Variants in MAP4 observed in about 807,000 individuals in gnomAD.
MAP4 encodes the protein microtubule-associated protein 4.
A neutral mutation model predicts 170.2 loss-of-function variants in MAP4; 76 were observed. The ratio of observed to expected loss-of-function variants is 0.45; its 90% CI spans 0.37 to 0.54. The LOEUF (loss-of-function observed/expected upper bound fraction) is 0.54. MAP4 is among the 20% of genes least tolerant of loss of function. The pLI is 0.00. For missense variants in MAP4, 2,506 were observed against 2,748.0 expected (o/e 0.91, Z 1.97); for synonymous variants, 909 against 994.5 (o/e 0.91, Z 1.62).
intron 1 of MAP4, among the ~76,000 whole-genome samples, chr3:48,055,199 CGT>C (rs1188719732): frequency 2.8e-3 from 200 of 71,428 alleles, no homozygotes; most frequent in African/African-American, 0.017. Flanking sequence ...TCTCCCTCTC[CGT>C]CTCCGTCTCC....
upstream of MAP4, among the ~76,000 whole-genome samples, chr3:48,019,593 ACT>A (rs755219440): frequency 1.3e-5 from 2 of 148,734 alleles, no homozygotes; most frequent in East Asian, 4.1e-4. Context: ...TAAAGAAAAA[ACT>A]CTCTTTTGGC....
chr3:47,867,949 C>T (rs927849855), intron 16 of MAP4, among the ~76,000 whole-genome samples: 7 of 152,198 alleles, frequency 4.6e-5, no homozygotes, highest in African/African-American at 9.7e-5. Context: ...ACCAGGGGAG[C>T]GGCTACAGCC....
chr3:48,004,969 G>C (rs1397343947), intron 1 of MAP4, among the ~76,000 whole-genome samples: 2 of 152,144 alleles, frequency 1.3e-5, no homozygotes, highest in Admixed American at 1.3e-4. Flanking sequence ...GAAGGTACCT[G>C]CAACACCCAT....
intron 1 of MAP4, among the ~76,000 whole-genome samples, chr3:48,069,687 A>G (rs2100140039): frequency 1.3e-5 from 2 of 152,150 alleles, no homozygotes; most frequent in Non-Finnish European, 2.9e-5. Context: ...TGTCCCTATT[A>G]TTGTTATCTT....
intron 3 of MAP4, among the ~76,000 whole-genome samples, chr3:47,968,720 AGAAG>A (rs1164627604): frequency 6.6e-6 from 1 of 152,168 alleles, no homozygotes; most frequent in African/African-American, 2.4e-5. Context: ...CAAATGAGGC[AGAAG>A]GAAGGAAATA....
In MAP4 at chr3:48,078,412, C is replaced by G. The variant is rs568909090; in HGVS notation, c.-20+10361G>C. 1.8e-4 allele frequency among the ~76,000 whole-genome samples: 28 copies of G among 151,828 alleles called. No homozygotes were observed. In the South Asian group the frequency reaches 5.8e-3, roughly 32 times the overall value. Reference sequence around the variant, plus strand: ...GCTCAAGCAATCCTCCCACCTCAGCCTCCCAAACTGCTGGGATTACAGGCA... The same window carrying G: ...GCTCAAGCAATCCTCCCACCTCAGCGTCCCAAACTGCTGGGATTACAGGCA... On this transcript the variant is annotated intron_variant, in intron 1 of 18. Coordinates refer to the MAP4 transcript ENST00000360240.
At chr3:48,008,946 C>A in intron 1 of MAP4, among the ~76,000 whole-genome samples, 1 of 152,094 alleles carries the variant, frequency 6.6e-6, no homozygotes, top group East Asian at 1.9e-4. Context: ...TACCTGGTGG[C>A]GGATTGATTA....
chr3:48,020,580 C>T (rs1455785751), upstream of MAP4, among the ~76,000 whole-genome samples: 1 of 151,514 alleles, frequency 6.6e-6, no homozygotes, highest in East Asian at 1.9e-4. Flanking sequence ...CAGATGCTTT[C>T]AAAAAGGAGG....
At chr3:47,862,851 T>C (rs1017985990) in intron 17 of MAP4, among the ~76,000 whole-genome samples, 1 of 152,098 alleles carries the variant, frequency 6.6e-6, no homozygotes, top group African/African-American at 2.4e-5. Context: ...CATATACAGA[T>C]AAACCAAGAC....
chr3:47,964,675 T>G (rs1161291565), intron 3 of MAP4, among the ~76,000 whole-genome samples: 3 of 152,234 alleles, frequency 2.0e-5, no homozygotes, highest in Non-Finnish European at 4.4e-5. Context: ...TACAAAATGT[T>G]CCCCATAACT....
At chr3:47,999,740 T>C (rs1405268959) in intron 1 of MAP4, among the ~76,000 whole-genome samples, 2 of 151,972 alleles carry the variant, frequency 1.3e-5, no homozygotes, top group South Asian at 2.1e-4. Context: ...AAGATAACTA[T>C]TGGGTACTAG....
chr3:47,899,069 A>G (rs2100028609), intron 10 of MAP4, among the ~76,000 whole-genome samples: 1 of 152,244 alleles, frequency 6.6e-6, no homozygotes, highest in East Asian at 1.9e-4. Context: ...ATCCACAGGA[A>G]ATAGCCACAG....
intron 3 of MAP4, among the ~76,000 whole-genome samples, chr3:47,938,806 G>A (rs972490037): frequency 2.0e-5 from 3 of 152,158 alleles, no homozygotes; most frequent in Non-Finnish European, 2.9e-5. Flanking sequence ...TAAAATTATG[G>A]TTAAGTAAAA....
chr3:48,029,202 C>T (rs1366338575), intron 1 of MAP4, among the ~76,000 whole-genome samples: 1 of 151,932 alleles, frequency 6.6e-6, no homozygotes, highest in Non-Finnish European at 1.5e-5. Context: ...CTTTGTGAGG[C>T]CAAAGCGGGC....
chr3:47,944,111 A>G (rs1000625422), intron 3 of MAP4, among the ~76,000 whole-genome samples: 1 of 152,054 alleles, frequency 6.6e-6, no homozygotes, highest in African/African-American at 2.4e-5. Flanking sequence ...GGAGATCAAG[A>G]ACAGCCTGAT....
At chr3:48,050,650 T>C (rs2100127235) in intron 1 of MAP4, among the ~76,000 whole-genome samples, 1 of 150,226 alleles carries the variant, frequency 6.7e-6, no homozygotes, top group Non-Finnish European at 1.5e-5. Context: ...GGCCCACAAC[T>C]GTAATCCCAA....
At chr3:48,078,679 C>T (rs2100145091) in intron 1 of MAP4, among the ~76,000 whole-genome samples, 1 of 152,074 alleles carries the variant, frequency 6.6e-6, no homozygotes, top group Non-Finnish European at 1.5e-5. Context: ...GCTCCCAATC[C>T]TTCCTAAACT....
intron 1 of MAP4, among the ~76,000 whole-genome samples, chr3:48,004,992 C>G (rs968157543): frequency 6.6e-6 from 1 of 152,138 alleles, no homozygotes; most frequent in Non-Finnish European, 1.5e-5. Flanking sequence ...GCTTCTAGAC[C>G]TATAACTCAA....
intron 1 of MAP4, among the ~76,000 whole-genome samples, chr3:48,033,818 G>C (rs1046454588): frequency 6.6e-6 from 1 of 152,058 alleles, no homozygotes; most frequent in Non-Finnish European, 1.5e-5. Flanking sequence ...GGCCAGGCTG[G>C]TTTCGAACTC....
Sources: gnomAD v4.1 joint callset for allele counts (sites outside exome capture counted in the v4.1 genomes callset) on GRCh38, gnomAD v4.1.1 for gene constraint, MANE v1.5 for transcripts, NCBI Gene and HGNC (gene_info 2026-07-23, HGNC 2026-07-21) for gene names.